The following MAMLD1 variants were observed in gnomAD, a reference collection of about 807,000 sequenced individuals.
MAMLD1 encodes the protein mastermind-like domain-containing protein 1.
In MAMLD1, 14 loss-of-function variants were observed where a neutral mutation model predicts 45.0. The observed-to-expected ratio is 0.31, with a 90% confidence interval of 0.21 to 0.49. The LOEUF (loss-of-function observed/expected upper bound fraction) is 0.49. Among genes scored for constraint, MAMLD1 ranks in the 20% least tolerant of loss-of-function variants. MAMLD1 has a pLI of 0.99. For synonymous variants in MAMLD1, 254 were observed against 247.8 expected (o/e 1.02, Z -0.24); for missense variants, 543 against 603.6 (o/e 0.90, Z 1.05).
At chrX:150,415,659 A>C (rs2034229637) in intron 1 of MAMLD1, among the ~76,000 whole-genome samples, 1 of 112,175 alleles carries the variant, frequency 8.9e-6, no homozygotes, top group African/African-American at 3.2e-5. Flanking sequence ...ATTGATAATC[A>C]ACTATGCTTA....
At chrX:150,369,396 T>G (rs2031780926) in intron 1 of MAMLD1, among the ~76,000 whole-genome samples, 1 of 112,525 alleles carries the variant, frequency 8.9e-6, no homozygotes, top group South Asian at 3.7e-4. Flanking sequence ...ACCTTGTCAT[T>G]GGGAAACAGC....
At chrX:150,462,707 G>A in intron 2 of MAMLD1, 65 bp from the exon 3 acceptor site, 2 of 746,702 alleles carry the variant, frequency 2.7e-6, no homozygotes, top group Non-Finnish European at 4.2e-6. Context: ...CACTGAGCTG[G>A]TGCAGGTAAT....
In MAMLD1 at chrX:150,471,406, A is replaced by C. The variant is rs782617430; in HGVS notation, c.1833A>C (p.Ser611=). The part of the protein sequence containing the change: ...QQQQQQPDHS[S]FLLQQMMQQP... ...AGCAGCAGCAGCCTGACCATTCTTC[A>C]TTCCTTCTGCAGCAGATGATGCAGC... Residue 611 remains serine (S), a synonymous_variant, in exon 4 of 8, where the codon TCA becomes TCC. Coordinates refer to ENST00000370401, the MANE Select transcript of MAMLD1 (RefSeq NM_005491.5). 9 of 1,210,424 alleles carry C rather than the reference A, an allele frequency of 7.4e-6. No homozygotes were observed. Among genetic ancestry groups the C allele is most frequent in the Admixed American group, 2.2e-5 (1 of 45,875 alleles).
In MAMLD1 at chrX:150,455,517, A is replaced by G. The variant is rs782487324; in HGVS notation, c.97-7255A>G. ...ATCATATTTATTTGGTATCTACACT[A>G]TGCCACACACTATGCTAATTACATT... On this transcript the variant is annotated intron_variant, in intron 2 of 7. Transcript: ENST00000370401. 2.7e-5 allele frequency among the ~76,000 whole-genome samples: 3 copies of G among 111,628 alleles called. No individual in the cohort carries two copies. The Admixed American group carries it at 2.8e-4, about 11-fold the overall frequency.
intron 1 of MAMLD1, among the ~76,000 whole-genome samples, chrX:150,389,533 G>A (rs5970015): frequency 0.2 from 22,390 of 111,467 alleles, 1,772 homozygotes; most frequent in Middle Eastern, 0.27. Flanking sequence ...ATTTGTTGAG[G>A]TGTGTTTTAG....
At chrX:150,444,347 G>A (rs782260611) in intron 1 of MAMLD1, among the ~76,000 whole-genome samples, 1 of 111,652 alleles carries the variant, frequency 9.0e-6, no homozygotes, top group South Asian at 3.8e-4. Context: ...CTGGTCTTTT[G>A]GCTAGAAAGA....
rs2033062499 is a variant in MAMLD1 at position 150,389,133 on chromosome X, G to A, written c.-64+25603G>A. 1.8e-5 allele frequency among the ~76,000 whole-genome samples: 2 copies of A among 110,429 alleles called. 1 individual carries two copies. Among genetic ancestry groups the A allele is most frequent in the African/African-American group, 6.6e-5 (2 of 30,272 alleles). ...ATGATCTCGGCTCACTGCAACCTCT[G>A]CCTCCAGGGTTCAAGTGATTCTCAT... is the stretch of plus-strand genomic sequence containing the variant. On this transcript the variant is annotated intron_variant, in intron 1 of 7. Coordinates refer to ENST00000370401, the MANE Select transcript of MAMLD1 (RefSeq NM_005491.5).
Position 150,512,177 on chromosome X carries a change from G to C in MAMLD1, c.*218G>C. On this transcript the variant is annotated 3_prime_UTR_variant, in exon 8 of 8. Coordinates refer to ENST00000370401, the MANE Select transcript of MAMLD1 (RefSeq NM_005491.5). ...CATGGGAGTGATCTCACCAACTCTG[G>C]GGAAGCGGCAAGGAATTTTCACCTC... is the stretch of plus-strand genomic sequence containing the variant. The C allele has an allele frequency of 8.8e-7, 1 of 1,141,403 alleles. No individual in the cohort carries two copies. The allele number at this position is 1,141,403 out of a possible 1,213,427, so 94.1% of individuals were successfully genotyped here.
chrX:150,362,938 G>C (rs1196867982), upstream of MAMLD1: 1 of 113,099 alleles, frequency 8.8e-6, no homozygotes, highest in African/African-American at 3.2e-5. Flanking sequence ...CAGCTGCCCT[G>C]GTTCGAGCCG....
At chrX:150,469,213 C>A (rs1199961804) in intron 3 of MAMLD1, among the ~76,000 whole-genome samples, 3 of 112,326 alleles carry the variant, frequency 2.7e-5, no homozygotes, top group African/African-American at 9.7e-5. Context: ...CAATTCTATA[C>A]TATGGTATTC....
intron 1 of MAMLD1, among the ~76,000 whole-genome samples, chrX:150,397,504 G>A (rs2033465306): frequency 9.0e-6 from 1 of 111,324 alleles, no homozygotes; most frequent in African/African-American, 3.3e-5. Context: ...TTCCTATTGT[G>A]TATTCCCCTT....
At chrX:150,446,698 T>C (rs2035498106) in intron 2 of MAMLD1, among the ~76,000 whole-genome samples, 1 of 112,534 alleles carries the variant, frequency 8.9e-6, no homozygotes, top group Non-Finnish European at 1.9e-5. Context: ...ATGGCAGAGA[T>C]GGAGACATTA....
intron 1 of MAMLD1, among the ~76,000 whole-genome samples, chrX:150,395,774 T>C (rs911839752): frequency 9.0e-6 from 1 of 110,570 alleles, no homozygotes; most frequent in Non-Finnish European, 1.9e-5. Context: ...GGGTCTGTAA[T>C]GATGTCCCCA....
chrX:150,404,031 AAGGG>A (rs2033934098), intron 1 of MAMLD1, among the ~76,000 whole-genome samples: 1 of 91,570 alleles, frequency 1.1e-5, no homozygotes, highest in African/African-American at 4.3e-5. Context: ...GGGAGGGAGG[AAGGG>A]AGGAAGGAAG....
At chrX:150,503,583 C>A in intron 6 of MAMLD1, 66 bp downstream of exon 6, 1 of 652,427 alleles carries the variant, frequency 1.5e-6, no homozygotes, top group Non-Finnish European at 2.5e-6. Flanking sequence ...CCTGCTCAGC[C>A]TGCCCGCCTG....
At chrX:150,393,360 G>A (rs782287405) in intron 1 of MAMLD1, among the ~76,000 whole-genome samples, 4 of 112,162 alleles carry the variant, frequency 3.6e-5, no homozygotes, top group African/African-American at 1.3e-4. Flanking sequence ...AGAACATCTG[G>A]GTTGCTTCCA....
At position 150,498,678 on chromosome X, in the gene MAMLD1, C is replaced by T. The variant is rs782808727; in HGVS notation, c.2041-4596C>T. Reference sequence around the variant, plus strand: ...CATATTGAACAGCACAGCTCTAGAGCATTCTATTCTTTCTGGGATGATTCA... The same window carrying T: ...CATATTGAACAGCACAGCTCTAGAGTATTCTATTCTTTCTGGGATGATTCA... On this transcript the variant is annotated intron_variant, in intron 5 of 7. Coordinates refer to ENST00000370401, the MANE Select transcript of MAMLD1 (RefSeq NM_005491.5). 2.0e-3 allele frequency among the ~76,000 whole-genome samples: 227 copies of T among 112,806 alleles called. 1 individual carries two copies. Among genetic ancestry groups the T allele is most frequent in the Non-Finnish European group, 1.6e-3 (83 of 53,353 alleles).
At chrX:150,447,426 A>G (rs1009486859) in intron 2 of MAMLD1, among the ~76,000 whole-genome samples, 3 of 111,234 alleles carry the variant, frequency 2.7e-5, no homozygotes, top group Non-Finnish European at 5.7e-5. Flanking sequence ...TCCAAAAGCA[A>G]CTCTCTCAGA....
chrX:150,435,786 T>A (rs1172936087), intron 1 of MAMLD1, among the ~76,000 whole-genome samples: 2 of 112,243 alleles, frequency 1.8e-5, no homozygotes, highest in Admixed American at 1.9e-4. Context: ...ATACAGGATT[T>A]TTTGTGTGGT....
Sources: allele counts gnomAD v4.1 joint callset (sites outside exome capture counted in the v4.1 genomes callset), GRCh38; gene constraint gnomAD v4.1.1; transcripts MANE v1.5; gene names NCBI Gene and HGNC (gene_info 2026-07-23, HGNC 2026-07-21).